The following CCDC200 variants were observed in gnomAD, a reference collection of about 807,000 sequenced individuals.
CCDC200 encodes the protein coiled-coil domain containing 200, also known as coiled-coil domain-containing protein 200.
intron 3 of CCDC200, among the ~76,000 whole-genome samples, chr17:43,223,278 G>A (rs1247021834): frequency 1.8e-5 from 2 of 110,338 alleles, no homozygotes; most frequent in Non-Finnish European, 3.5e-5. Context: ...GTCTGAACCT[G>A]AACTCCTGGG....
At chr17:43,222,044 T>C (rs2057537222) in intron 3 of CCDC200, among the ~76,000 whole-genome samples, 1 of 151,464 alleles carries the variant, frequency 6.6e-6, no homozygotes, top group Non-Finnish European at 1.5e-5. Flanking sequence ...GCAGGTGGAG[T>C]GCAGCTGAGA....
At chr17:43,223,275 C>G (rs1292184147) in intron 3 of CCDC200, among the ~76,000 whole-genome samples, 2 of 109,728 alleles carry the variant, frequency 1.8e-5, no homozygotes, top group Non-Finnish European at 3.6e-5. Context: ...GATGTCTGAA[C>G]CTGAACTCCT....
Position 43,223,356 on chromosome 17 carries a change from C to T in CCDC200, c.480+200G>A, listed in dbSNP as rs543195549. Reference sequence around the variant, plus strand: ...TACTGCACCCAGCTTCCTACCCAAACATTTTTAATGGTGGCAAAGAATAGA... The same window carrying T: ...TACTGCACCCAGCTTCCTACCCAAATATTTTTAATGGTGGCAAAGAATAGA... On this transcript the variant is annotated intron_variant, in intron 3 of 3. Coordinates refer to ENST00000636331, the MANE Select transcript of CCDC200 (RefSeq NM_001363254.2). 6.7e-5 allele frequency among the ~76,000 whole-genome samples: 10 copies of T among 149,372 alleles called. 1 individual carries two copies. In the South Asian group the frequency reaches 2.1e-3, roughly 32 times the overall value.
At chr17:43,223,484 A>ACACACACACACACACACACACACACACC (rs1406088311) in intron 3 of CCDC200, 72 bp downstream of exon 3, 2 of 141,844 alleles carry the variant, frequency 1.4e-5, no homozygotes, top group Non-Finnish European at 3.1e-5. Context: ...ACACACTCAC[A>ACACACACACACACACACACACACACACC]CTCTCTCTCT....
Position 43,223,646 on chromosome 17 carries a change from C to T in CCDC200, c.422-32G>A, listed in dbSNP as rs1195404315. ...ATGAAACAAAGTACAGGTTACTCATCCAGCAGTTTTCCAAGGATGGAATAC... is the reference window on the plus strand; with the variant it reads ...ATGAAACAAAGTACAGGTTACTCATTCAGCAGTTTTCCAAGGATGGAATAC... On this transcript the variant is annotated intron_variant, in intron 2 of 3. Transcript: ENST00000636331. The T allele has an allele frequency of 2.0e-5, 3 of 152,434 alleles. No individual in the cohort carries two copies. In the Admixed American group the frequency reaches 2.0e-4, roughly 10 times the overall value. The allele number at this position is 152,434 out of a possible 1,614,324, so 9.4% of individuals were successfully genotyped here. A position where few individuals can be genotyped will look rare whatever the true frequency, so the allele number is the denominator to read the frequency against.
upstream of CCDC200, among the ~76,000 whole-genome samples, chr17:43,230,929 C>G (rs1555617201): frequency 0.07 from 5,922 of 84,066 alleles, 1,094 homozygotes; most frequent in African/African-American, 0.17. Flanking sequence ...TGCAGTGAGC[C>G]GAGATGCGCC....
chr17:43,222,012 T>A (rs2057536969), intron 3 of CCDC200, among the ~76,000 whole-genome samples: 1 of 151,900 alleles, frequency 6.6e-6, no homozygotes, highest in Admixed American at 6.6e-5. Context: ...GGAGAATCAT[T>A]TGAACCCGGG....
At chr17:43,222,958 G>C (rs2057543219) in intron 3 of CCDC200, among the ~76,000 whole-genome samples, 1 of 151,776 alleles carries the variant, frequency 6.6e-6, no homozygotes, top group Admixed American at 6.6e-5. Flanking sequence ...TAGTAGAGAT[G>C]GGGTTTCGCC....
chr17:43,225,621 C>T (rs1450092838), intron 1 of CCDC200, among the ~76,000 whole-genome samples: 1 of 110,188 alleles, frequency 9.1e-6, no homozygotes, highest in Non-Finnish European at 1.9e-5. Context: ...CAGGATCATG[C>T]CACTGCACTC....
rs1282739067 is a variant in CCDC200 at position 43,225,693 on chromosome 17, T to TATATATATATATATAA, written c.106-1145_106-1144insTTATATATATATATAT. On this transcript the variant is annotated intron_variant, in intron 1 of 3. Coordinates refer to ENST00000636331, the MANE Select transcript of CCDC200 (RefSeq NM_001363254.2). ...AAAAAAAAAAAAGTATATATATATA[T>TATATATATATATATAA]TGCATGCTACATGTGTAATTTTAAA... Among the ~76,000 whole-genome samples the TATATATATATATATAA allele has an allele frequency of 6.6e-4, 19 of 28,910 alleles. 2 individuals carry two copies. Among genetic ancestry groups the TATATATATATATATAA allele is most frequent in the African/African-American group, 9.0e-4 (19 of 21,128 alleles). 19.0% of individuals were successfully genotyped at this position (28,910 alleles called of 152,430 possible). A position where few individuals can be genotyped will look rare whatever the true frequency, so the allele number is the denominator to read the frequency against.
intron 1 of CCDC200, among the ~76,000 whole-genome samples, chr17:43,225,333 T>G (rs1252969164): frequency 6.6e-6 from 1 of 152,026 alleles, no homozygotes; most frequent in African/African-American, 2.4e-5. Context: ...CTTCTAAACC[T>G]TACAAGTGCT....
At chr17:43,222,358 C>T (rs1197902429) in intron 3 of CCDC200, among the ~76,000 whole-genome samples, 1 of 152,042 alleles carries the variant, frequency 6.6e-6, no homozygotes, top group Non-Finnish European at 1.5e-5. Context: ...GTAGAGATGG[C>T]ATCTCAGCAT....
At chr17:43,223,261 T>TTTTGG (rs2057546030) in intron 3 of CCDC200, among the ~76,000 whole-genome samples, 2 of 148,298 alleles carry the variant, frequency 1.3e-5, no homozygotes, top group Non-Finnish European at 3.0e-5. Context: ...TTTTTTTTTT[T>TTTTGG]GGAGATGTCT....
At chr17:43,224,977 G>A (rs1046195390) in intron 1 of CCDC200, 1 of 151,840 alleles carries the variant, frequency 6.6e-6, no homozygotes, top group African/African-American at 2.4e-5. Flanking sequence ...TGATTCTCCT[G>A]CCTCAGCTTC....
chr17:43,225,285 C>T, intron 1 of CCDC200, among the ~76,000 whole-genome samples: 1 of 152,100 alleles, frequency 6.6e-6, no homozygotes, highest in Middle Eastern at 3.2e-3. Flanking sequence ...CCTCCCACCT[C>T]AGCCTCCCAA....
At chr17:43,226,576 T>C (rs2057571386) in intron 1 of CCDC200, among the ~76,000 whole-genome samples, 1 of 151,920 alleles carries the variant, frequency 6.6e-6, no homozygotes, top group Non-Finnish European at 1.5e-5. Context: ...TTCTATTTGT[T>C]TTAGAGACGG....
chr17:43,225,386 C>T (rs1381661392), intron 1 of CCDC200, among the ~76,000 whole-genome samples: 1 of 151,450 alleles, frequency 6.6e-6, no homozygotes, highest in Non-Finnish European at 1.5e-5. Context: ...CATGCTGGGC[C>T]GGACGCGGTG....
In CCDC200 at chr17:43,227,126, G is replaced by A. The variant is rs138463233; in HGVS notation, c.105+1324C>T. 2.3e-4 allele frequency among the ~76,000 whole-genome samples: 35 copies of A among 151,932 alleles called. No individual in the cohort carries two copies. In the East Asian group the frequency reaches 2.5e-3, roughly 11 times the overall value. ...CCCGAGTAGCTGGGATTACAGGTGC[G>A]CGCCACCACGCCCGGCTGATTTTTG... On this transcript the variant is annotated intron_variant, in intron 1 of 3. Coordinates refer to ENST00000636331, the MANE Select transcript of CCDC200 (RefSeq NM_001363254.2).
In CCDC200 at chr17:43,225,271, C is replaced by A. The variant is rs201044470; in HGVS notation, c.106-722G>T. On this transcript the variant is annotated intron_variant, in intron 1 of 3. Transcript: ENST00000636331. The stretch of plus-strand genomic sequence containing the variant: ...TTGGTTTGGAACTCCTAGCCTCAAG[C>A]GATCCTCCCACCTCAGCCTCCCAAA... Among the ~76,000 whole-genome samples, 24 of 152,154 alleles carry A rather than the reference C, an allele frequency of 1.6e-4. No homozygotes were observed. In the East Asian group the frequency reaches 4.1e-3, roughly 26 times the overall value.
Sources: gnomAD v4.1 joint callset for allele counts (sites outside exome capture counted in the v4.1 genomes callset) on GRCh38, gnomAD v4.1.1 for gene constraint, MANE v1.5 for transcripts, NCBI Gene and HGNC (gene_info 2026-07-23, HGNC 2026-07-21) for gene names.